The following ADGRG4 variants were observed in gnomAD, a reference collection of about 807,000 sequenced individuals.
ADGRG4 encodes adhesion G protein-coupled receptor G4.
Under a neutral mutation model 126.2 loss-of-function variants are expected in ADGRG4, and 122 were observed. The ratio of observed to expected loss-of-function variants is 0.97; its 90% CI spans 0.83 to 1.12. ADGRG4 has a LOEUF of 1.12. Among genes scored for constraint, ADGRG4 ranks in the 50% most tolerant of loss-of-function variants. The probability of loss-of-function intolerance (pLI) is 0.00; values close to 1 mark genes in which losing one functional copy is unlikely to be tolerated. For synonymous variants in ADGRG4, 943 were observed against 838.7 expected, an observed-to-expected ratio of 1.12 and a Z score of -2.15; for missense variants, 2,481 against 2,251.8, an observed-to-expected ratio of 1.10 and a Z score of -2.06.
rs755575728 is a variant in ADGRG4 at position 136,349,323 on chromosome X, A to G, written c.5617A>G (p.Ser1873Gly). 46 of 1,207,559 alleles carry G rather than the reference A, an allele frequency of 3.8e-5. No homozygotes were observed. Among genetic ancestry groups the G allele is most frequent in the Middle Eastern group, 2.3e-4 (1 of 4,346 alleles). ...FPVLGTRMTS[S>G]NTQPLLMTSW... ...AGTTCTGGGAACAAGAATGACATCT[A>G]GTAATACCCAACCTCTGCTTATGAC... Residue 1873 changes from serine to glycine, a missense_variant, in exon 6 of 26, where the codon AGT becomes GGT. Physicochemically the swap from Ser to Gly is moderately conservative, Grantham distance 56. Coordinates refer to ENST00000394143, the MANE Select transcript of ADGRG4 (RefSeq NM_153834.4).
chrX:136,324,987 G>A (rs990062256), intron 5 of ADGRG4, among the ~76,000 whole-genome samples: 1 of 111,795 alleles, frequency 8.9e-6, no homozygotes, highest in African/African-American at 3.2e-5. Flanking sequence ...GTCTCCTCTC[G>A]AGTTTGGGGA....
chrX:136,337,500 C>G (rs1276198795), intron 5 of ADGRG4, among the ~76,000 whole-genome samples: 6 of 112,359 alleles, frequency 5.3e-5, no homozygotes, highest in Non-Finnish European at 5.6e-5. Context: ...CTGCCAGTGA[C>G]AAGGTATCTT....
intron 5 of ADGRG4, among the ~76,000 whole-genome samples, chrX:136,340,505 A>T (rs758889405): frequency 8.3e-4 from 93 of 111,685 alleles, no homozygotes; most frequent in African/African-American, 2.9e-3. Context: ...TGTCCTCTAA[A>T]GTTTGTTTCA....
In ADGRG4 at chrX:136,348,559, C is replaced by A; in HGVS notation, c.4853C>A (p.Ala1618Asp). ...LDVTPVIYAG[A>D]TSKNKMVSSA... Reference sequence around the variant, plus strand: ...GTCACACCTGTGATATATGCTGGGGCTACTTCAAAAAACAAAATGGTTTCC... The same window carrying A: ...GTCACACCTGTGATATATGCTGGGGATACTTCAAAAAACAAAATGGTTTCC... The change falls in exon 6 of 26, where the codon GCT becomes GAT. Residue 1618 changes from alanine (A) to aspartate (D), a missense_variant. Ala to Asp is a moderately radical substitution (Grantham distance 126, BLOSUM62 -2). Transcript: ENST00000394143. 4.1e-6 allele frequency: 5 copies of A among 1,209,006 alleles called. No homozygotes were observed. Among genetic ancestry groups the A allele is most frequent in the Non-Finnish European group, 5.6e-6 (5 of 893,573 alleles).
At chrX:136,387,604 T>C (rs2075298651) in intron 15 of ADGRG4, 136 bp from the exon 16 acceptor site, 11 of 515,600 alleles carry the variant, frequency 2.1e-5, no homozygotes, top group Middle Eastern at 7.1e-4. Context: ...GAAAAGTGTA[T>C]CATCGCTTAT....
rs2075028698 is a variant in ADGRG4, at chrX:136,347,734, T to C, written c.4028T>C (p.Leu1343Ser). Residue 1343 changes from leucine (L) to serine (S), a missense_variant, in exon 6 of 26, where the codon TTG becomes TCG. Physicochemically the swap from Leu to Ser is moderately radical, Grantham distance 145. Transcript: ENST00000394143. ...TSGSTQITPT[L>S]TSSNTVGVHI... ...GGAAGCACACAGATTACACCAACCT[T>C]GACCTCAAGTAACACAGTAGGTGTT... The C allele has an allele frequency of 1.7e-6, 2 of 1,208,945 alleles. No homozygotes were observed. The highest frequency in any genetic ancestry group is 2.2e-6 in the Non-Finnish European group (2 of 894,342).
chrX:136,394,242 A>G (rs184745514), intron 18 of ADGRG4, among the ~76,000 whole-genome samples: 72 of 112,117 alleles, frequency 6.4e-4, no homozygotes, highest in African/African-American at 2.3e-3. Context: ...GACAGACAGT[A>G]GAAGACTGGG....
intron 21 of ADGRG4, among the ~76,000 whole-genome samples, chrX:136,400,712 G>A (rs1271370573): frequency 1.8e-5 from 2 of 111,585 alleles, no homozygotes; most frequent in African/African-American, 6.6e-5. Context: ...TGAAATGGGT[G>A]AAAGAGTGCT....
chrX:136,409,848 T>C (rs1008624518), intron 23 of ADGRG4, among the ~76,000 whole-genome samples: 1 of 112,165 alleles, frequency 8.9e-6, no homozygotes, highest in Non-Finnish European at 1.9e-5. Flanking sequence ...TAACTTCTTA[T>C]CAGCTCTGAT....
intron 5 of ADGRG4, among the ~76,000 whole-genome samples, chrX:136,329,109 A>G (rs1345488904): frequency 9.0e-5 from 10 of 111,518 alleles, no homozygotes; most frequent in African/African-American, 3.3e-4. Flanking sequence ...CCACAGGCAG[A>G]TCTGTCTGTG....
intron 5 of ADGRG4, among the ~76,000 whole-genome samples, chrX:136,326,000 T>C (rs1425347414): frequency 2.7e-5 from 3 of 112,353 alleles, no homozygotes; most frequent in Non-Finnish European, 3.8e-5. Context: ...CGTGAGCCAA[T>C]GCACCCGGCC....
At position 136,311,394 on chromosome X, in the gene ADGRG4, TACACACACACACACAC is replaced by T. The variant is rs72201867; in HGVS notation, c.70+2568_70+2583del. ...GTCCTAAGGTCTTGCTCATACCATG[TACACACACACACACAC>T]ACACACACACACACACACACGCTCA... On this transcript the variant is annotated intron_variant, in intron 4 of 25. Transcript: ENST00000394143. Among the ~76,000 whole-genome samples, 2 of 95,634 alleles carry T rather than the reference TACACACACACACACAC, an allele frequency of 2.1e-5. 1 individual carries two copies. Among genetic ancestry groups the T allele is most frequent in the Non-Finnish European group, 4.2e-5 (2 of 47,753 alleles). The allele number at this position is 95,634 out of a possible 115,157, so 83.0% of individuals were successfully genotyped here. A position where few individuals can be genotyped will look rare whatever the true frequency, so the allele number is the denominator to read the frequency against.
chrX:136,402,957 A>T (rs1227321283), intron 21 of ADGRG4, among the ~76,000 whole-genome samples: 2 of 112,120 alleles, frequency 1.8e-5, no homozygotes, highest in African/African-American at 6.5e-5. Context: ...CCACTCAACT[A>T]GATACTTCTT....
Position 136,372,961 on chromosome X carries a change from A to G in ADGRG4, c.7673A>G (p.Asn2558Ser). 8.3e-7 allele frequency: 1 copy of G among 1,211,181 alleles called. No individual in the cohort carries two copies. The highest frequency in any genetic ancestry group is 1.8e-5 in the South Asian group (1 of 56,940). The change falls in exon 15 of 26, where the codon AAT becomes AGT. Residue 2558 changes from asparagine (N) to serine (S), a missense_variant. Physicochemically the swap from Asn to Ser is conservative, Grantham distance 46. Coordinates refer to ENST00000394143, the MANE Select transcript of ADGRG4 (RefSeq NM_153834.4). ...HKMEFSGQIANLTVAGLALAV... is the reference protein window; with the variant it reads ...HKMEFSGQIASLTVAGLALAV... ...ATGGAGTTTTCTGGGCAGATAGCAA[A>G]TCTGACGGTGGCCGGGCTGGCTTTG...
chrX:136,342,943 T>A (rs2074989059), intron 5 of ADGRG4, among the ~76,000 whole-genome samples: 2 of 86,367 alleles, frequency 2.3e-5, no homozygotes, highest in Non-Finnish European at 4.5e-5. Context: ...AGGAAGGGGA[T>A]CAGATTGGCA....
At chrX:136,372,251 A>G (rs1478105500) in intron 14 of ADGRG4, among the ~76,000 whole-genome samples, 1 of 111,619 alleles carries the variant, frequency 9.0e-6, no homozygotes, top group African/African-American at 3.3e-5. Context: ...CCAATTAATA[A>G]CTAACTCTTG....
At chrX:136,336,757 C>A (rs955904330) in intron 5 of ADGRG4, among the ~76,000 whole-genome samples, 1 of 112,088 alleles carries the variant, frequency 8.9e-6, no homozygotes, top group Non-Finnish European at 1.9e-5. Context: ...CTTTTGTGAA[C>A]AGCAACATAT....
intron 15 of ADGRG4, among the ~76,000 whole-genome samples, chrX:136,377,807 A>G (rs978068745): frequency 9.4e-5 from 10 of 106,594 alleles, no homozygotes; most frequent in Non-Finnish European, 1.7e-4. Context: ...CAAATTTTGT[A>G]TAAATGTAAG....
Position 136,373,159 on chromosome X carries a change from T to C in ADGRG4, c.7776+95T>C, listed in dbSNP as rs988823576. On this transcript the variant is annotated intron_variant, in intron 15 of 25. Coordinates refer to ENST00000394143, the MANE Select transcript of ADGRG4 (RefSeq NM_153834.4). The stretch of plus-strand genomic sequence containing the variant: ...TTGGGAGAGAGAGGGCACTCCGTTA[T>C]GGTTTTAAGGGGACCTTATGGAAAT... 2.9e-5 allele frequency: 23 copies of C among 797,688 alleles called. No individual in the cohort carries two copies. The African/African-American group carries it at 4.6e-4, about 16-fold the overall frequency. The allele number at this position is 797,688 out of a possible 1,213,427, so 65.7% of individuals were successfully genotyped here. A position where few individuals can be genotyped will look rare whatever the true frequency, so the allele number is the denominator to read the frequency against.
Sources: allele counts gnomAD v4.1 joint callset (sites outside exome capture counted in the v4.1 genomes callset), GRCh38; gene constraint gnomAD v4.1.1; transcripts MANE v1.5; gene names NCBI Gene and HGNC (gene_info 2026-07-23, HGNC 2026-07-21).